LINGO2: variants seen among roughly 807,000 people sequenced by gnomAD.
The protein encoded by LINGO2 is leucine-rich repeat and immunoglobulin-like domain-containing nogo receptor-interacting protein 2.
A neutral mutation model predicts 30.6 loss-of-function variants in LINGO2; 14 were observed. That is an observed-to-expected ratio of 0.46 (90% CI 0.30 to 0.72). LINGO2 has a LOEUF of 0.72. LINGO2 is among the 30% of genes least tolerant of loss of function. LINGO2 has a pLI of 0.07. For missense variants in LINGO2, 729 were observed against 751.7 expected, an observed-to-expected ratio of 0.97 and a Z score of 0.35; for synonymous variants, 317 against 288.5, an observed-to-expected ratio of 1.10 and a Z score of -1.00.
chr9:29,081,688 G>A, the LINGO2 span, among the ~76,000 whole-genome samples: 90 of 152,240 alleles, frequency 5.9e-4, no homozygotes, highest in African/African-American at 1.9e-3. Flanking sequence ...AAACCCCATC[G>A]TCTCAACTCA....
intron 4 of LINGO2, among the ~76,000 whole-genome samples, chr9:28,085,808 T>C (rs1241123629): frequency 1.3e-5 from 2 of 152,018 alleles, no homozygotes; most frequent in African/African-American, 2.4e-5. Context: ...GGTTAACACA[T>C]GAAGGGAGGC....
the LINGO2 span, among the ~76,000 whole-genome samples, chr9:29,115,604 A>T: frequency 1.3e-5 from 2 of 152,002 alleles, no homozygotes; most frequent in African/African-American, 4.8e-5. Context: ...TTTAAAGAAA[A>T]GATATGCAGT....
chr9:28,094,524 T>C (rs533286922), intron 4 of LINGO2, among the ~76,000 whole-genome samples: 1 of 151,222 alleles, frequency 6.6e-6, no homozygotes, highest in East Asian at 1.9e-4. Context: ...TGTGTGTGTG[T>C]GTGTGAGAGA....
intron 3 of LINGO2, among the ~76,000 whole-genome samples, chr9:28,362,243 T>C (rs1385150544): frequency 6.6e-6 from 1 of 152,132 alleles, no homozygotes; most frequent in African/African-American, 2.4e-5. Context: ...CATGCGCATG[T>C]GTGTGCACGT....
intron 4 of LINGO2, among the ~76,000 whole-genome samples, chr9:28,226,642 G>GAAAGAAA (rs1554690199): frequency 1.2e-3 from 64 of 53,256 alleles, no homozygotes; most frequent in South Asian, 2.5e-3. Context: ...AAGGAAAGAA[G>GAAAGAAA]GAAAGAAAGA....
At chr9:28,475,339 T>C (rs1199310946) in intron 2 of LINGO2, among the ~76,000 whole-genome samples, 1 of 152,142 alleles carries the variant, frequency 6.6e-6, no homozygotes, top group African/African-American at 2.4e-5. Context: ...TTTGTATAAA[T>C]ACAAAAATAG....
chr9:28,714,599 T>C, the LINGO2 span, among the ~76,000 whole-genome samples: 15 of 152,054 alleles, frequency 9.9e-5, no homozygotes, highest in African/African-American at 3.1e-4. Flanking sequence ...ACGGCAGTCA[T>C]TTTGGTGTTT....
the LINGO2 span, among the ~76,000 whole-genome samples, chr9:28,887,056 T>C: frequency 3.3e-5 from 5 of 152,134 alleles, no homozygotes; most frequent in African/African-American, 4.8e-5. Flanking sequence ...GAAAGCCTAA[T>C]GTATGATTTC....
At chr9:29,135,150 T>A in the LINGO2 span, among the ~76,000 whole-genome samples, 1 of 152,186 alleles carries the variant, frequency 6.6e-6, no homozygotes, top group Non-Finnish European at 1.5e-5. Flanking sequence ...TAGACATAAT[T>A]TTCATGTATT....
Position 28,045,894 on chromosome 9 carries a change from C to A in LINGO2, c.-86-33489G>T, listed in dbSNP as rs1307468350. The stretch of plus-strand genomic sequence containing the variant: ...TCTTCCCATCTACTACAACCCACCT[C>A]CTGAGGATTTCAATTCAGTTTGATG... On this transcript the variant is annotated intron_variant, in intron 4 of 5. Transcript: ENST00000379992. 3.3e-5 allele frequency among the ~76,000 whole-genome samples: 5 copies of A among 152,166 alleles called. No individual in the cohort carries two copies. The East Asian group carries it at 9.7e-4, about 29-fold the overall frequency.
chr9:27,944,152 C>G (rs1823275634), downstream of LINGO2: 1 of 152,100 alleles, frequency 6.6e-6, no homozygotes. Context: ...TAGTCCCTAC[C>G]TTTTTGAGAA....
chr9:29,093,126 T>C, the LINGO2 span, among the ~76,000 whole-genome samples: 2 of 130,960 alleles, frequency 1.5e-5, 1 homozygote, highest in East Asian at 5.2e-4. Context: ...TCTATCTTTG[T>C]TTATAGTTTT....
chr9:28,420,608 G>A (rs1322526883), intron 2 of LINGO2, among the ~76,000 whole-genome samples: 3 of 152,044 alleles, frequency 2.0e-5, no homozygotes, highest in Non-Finnish European at 4.4e-5. Flanking sequence ...CTGGGGAGGG[G>A]CCAGGGATTT....
At chr9:28,717,867 G>T in the LINGO2 span, among the ~76,000 whole-genome samples, 7 of 151,924 alleles carry the variant, frequency 4.6e-5, no homozygotes, top group African/African-American at 1.7e-4. Flanking sequence ...ACCTTACTAT[G>T]ATAGTCAATA....
the LINGO2 span, among the ~76,000 whole-genome samples, chr9:29,007,752 G>A: frequency 6.6e-6 from 1 of 152,046 alleles, no homozygotes; most frequent in East Asian, 1.9e-4. Flanking sequence ...AACTAAAGAA[G>A]GATCAGGAAT....
At chr9:28,831,152 C>T in the LINGO2 span, among the ~76,000 whole-genome samples, 7 of 152,218 alleles carry the variant, frequency 4.6e-5, no homozygotes, top group African/African-American at 1.7e-4. Flanking sequence ...ACTGACGATG[C>T]TTAGTGATTT....
At chr9:28,019,067 C>G (rs1467451733) in intron 4 of LINGO2, among the ~76,000 whole-genome samples, 1 of 152,076 alleles carries the variant, frequency 6.6e-6, no homozygotes, top group Non-Finnish European at 1.5e-5. Context: ...ACATGGGAGC[C>G]AAACATTGAG....
At chr9:27,989,330 A>G (rs16912211) in intron 5 of LINGO2, among the ~76,000 whole-genome samples, 7,406 of 151,968 alleles carry the variant, frequency 0.049, 330 homozygotes, top group Admixed American at 0.1. Context: ...TAGTTTCCCA[A>G]CAAAATATAA....
At chr9:28,450,556 GA>G (rs879394777) in intron 2 of LINGO2, among the ~76,000 whole-genome samples, 1 of 151,954 alleles carries the variant, frequency 6.6e-6, no homozygotes, top group Admixed American at 6.6e-5. Context: ...TTGAGGCTCA[GA>G]AAATGACCAA....
Sources: gnomAD v4.1 joint callset for allele counts (sites outside exome capture counted in the v4.1 genomes callset) on GRCh38, gnomAD v4.1.1 for gene constraint, MANE v1.5 for transcripts, NCBI Gene and HGNC (gene_info 2026-07-23, HGNC 2026-07-21) for gene names.